Variants in SYNJ1 observed in about 807,000 individuals in gnomAD.
SYNJ1 encodes synaptojanin 1.
A neutral mutation model predicts 168.2 loss-of-function variants in SYNJ1; 78 were observed. That is an observed-to-expected ratio of 0.46 (90% confidence interval 0.39 to 0.56). SYNJ1 has a LOEUF of 0.56. SYNJ1 is among the 20% of genes least tolerant of loss of function. The pLI is 0.00. For synonymous variants in SYNJ1, 539 were observed against 548.6 expected (o/e 0.98, Z 0.24); for missense variants, 1,303 against 1,597.6 (o/e 0.82, Z 3.14).
At position 32,673,470 on chromosome 21, in the gene SYNJ1, T is replaced by C. The variant is rs111686118; in HGVS notation, c.1596A>G (p.Lys532=). 1 of 1,613,204 alleles carries C rather than the reference T, an allele frequency of 6.2e-7. No individual in the cohort carries two copies. The highest frequency in any genetic ancestry group is 1.1e-5 in the South Asian group (1 of 90,926). The change falls in exon 14 of 33, where the codon AAA becomes AAG. Residue 532 remains lysine (K), a synonymous_variant. Coordinates refer to ENST00000674351, the MANE Select transcript of SYNJ1 (RefSeq NM_203446.3). ...TCCAGGTTCCGACACATACTCGAAT[T>C]TTCTTAGGCTTTGAATATTTGTAGA... ...ENFYKYSKPK[K]IRVCVGTWNV... is the part of the protein sequence containing the mutation.
chr21:32,665,534 A>G (rs1051336763), intron 17 of SYNJ1, among the ~76,000 whole-genome samples: 1 of 152,234 alleles, frequency 6.6e-6, no homozygotes, highest in Non-Finnish European at 1.5e-5. Flanking sequence ...ACTTAAAAGA[A>G]TGCAACCTTT....
At chr21:32,708,589 G>C (rs759380161) in intron 2 of SYNJ1, among the ~76,000 whole-genome samples, 14 of 152,200 alleles carry the variant, frequency 9.2e-5, no homozygotes, top group Non-Finnish European at 1.8e-4. Flanking sequence ...CACCGCATTA[G>C]TTCACATGCT....
At chr21:32,663,293 A>AC (rs1396145092) in intron 18 of SYNJ1, among the ~76,000 whole-genome samples, 5 of 152,198 alleles carry the variant, frequency 3.3e-5, no homozygotes, top group African/African-American at 1.2e-4. Flanking sequence ...GAATTCACTC[A>AC]CCCCGTAGGA....
chr21:32,704,470 G>A (rs755491397), intron 2 of SYNJ1, among the ~76,000 whole-genome samples: 3 of 152,310 alleles, frequency 2.0e-5, no homozygotes, highest in Middle Eastern at 3.4e-3. Context: ...AGACTGGAGG[G>A]AGGCCCAGTA....
In SYNJ1 at chr21:32,695,286, A is replaced by G. The variant is rs1320233338; in HGVS notation, c.480-4T>C. The G allele has an allele frequency of 6.2e-7, 1 of 1,612,162 alleles. No individual in the cohort carries two copies. The highest frequency in any genetic ancestry group is 2.2e-5 in the East Asian group (1 of 44,834). On this transcript the variant is annotated splice_region_variant and splice_polypyrimidine_tract_variant and intron_variant, in intron 4 of 32. Transcript: ENST00000674351. ...ATGCAAATGCAAAGACTGATTCCTA[A>G]TAGGAAAAGAAATAAATGATTAGCT...
At chr21:32,717,468 C>T (rs745349763) in intron 2 of SYNJ1, among the ~76,000 whole-genome samples, 9 of 152,100 alleles carry the variant, frequency 5.9e-5, no homozygotes, top group Non-Finnish European at 7.4e-5. Context: ...TTTGGAAGTT[C>T]GGTTACTTGG....
Position 32,629,939 on chromosome 21 carries a change from T to C in SYNJ1, c.*1866A>G, listed in dbSNP as rs1271035585. 1 of 152,446 alleles carries C rather than the reference T, an allele frequency of 6.6e-6. No homozygotes were observed. Among genetic ancestry groups the C allele is most frequent in the Non-Finnish European group, 1.5e-5 (1 of 68,046 alleles). The allele number at this position is 152,446 out of a possible 1,614,324, so 9.4% of individuals were successfully genotyped here. On this transcript the variant is annotated 3_prime_UTR_variant, in exon 33 of 33. Transcript: ENST00000674351. The stretch of plus-strand genomic sequence containing the variant: ...GAGGGGGGAGAACACACACTGGGTA[T>C]ATTCCCAATTCAAAGCACTCAGGGG...
intron 11 of SYNJ1, 105 bp from the exon 12 acceptor site, chr21:32,678,906 A>G: frequency 6.9e-7 from 1 of 1,453,570 alleles, no homozygotes; most frequent in South Asian, 1.3e-5. Context: ...TGATTTTAGT[A>G]TAAAAAAGGA....
Position 32,629,474 on chromosome 21 carries a change from CTTT to C in SYNJ1, c.*2328_*2330del, listed in dbSNP as rs1224832497. 6.6e-6 allele frequency: 1 copy of C among 152,526 alleles called. No individual in the cohort carries two copies. Among genetic ancestry groups the C allele is most frequent in the East Asian group, 1.9e-4 (1 of 5,200 alleles). 9.4% of individuals were successfully genotyped at this position (152,526 alleles called of 1,614,324 possible). On this transcript the variant is annotated 3_prime_UTR_variant, in exon 33 of 33. Transcript: ENST00000674351. ...TAACATTTGAGCATTTAGAAAAATG[CTTT>C]TTTTCTAATAGATTTGCTTTATAAG... is the stretch of plus-strand genomic sequence containing the variant.
In SYNJ1 at chr21:32,632,700, T is replaced by C. The variant is rs113007530; in HGVS notation, c.*4-899A>G. Among the ~76,000 whole-genome samples the C allele has an allele frequency of 1.3e-3, 200 of 152,292 alleles. 2 individuals carry two copies. Among genetic ancestry groups the C allele is most frequent in the African/African-American group, 4.6e-3 (193 of 41,560 alleles). The stretch of plus-strand genomic sequence containing the variant: ...CATGCCCGGCACAGCTGACTTTTAA[T>C]GTAAGCTCTCCTTTGTTGAATAAAC... On this transcript the variant is annotated intron_variant, in intron 32 of 32. Coordinates refer to ENST00000674351, the MANE Select transcript of SYNJ1 (RefSeq NM_203446.3).
At chr21:32,690,693 C>A (rs2041991322) in intron 6 of SYNJ1, among the ~76,000 whole-genome samples, 1 of 151,362 alleles carries the variant, frequency 6.6e-6, no homozygotes, top group Admixed American at 6.6e-5. Context: ...GAGTTCGAGA[C>A]CAGCGGATCA....
At chr21:32,713,910 T>A (rs2042930185) in intron 2 of SYNJ1, among the ~76,000 whole-genome samples, 1 of 152,236 alleles carries the variant, frequency 6.6e-6, no homozygotes. Context: ...ATAGTGATTA[T>A]CTTTGCAGAT....
At chr21:32,684,238 C>T in intron 9 of SYNJ1, 119 bp from the exon 10 acceptor site, 2 of 866,820 alleles carry the variant, frequency 2.3e-6, no homozygotes, top group Non-Finnish European at 3.6e-6. Context: ...TTTATTATTA[C>T]AGTATTCAAA....
intron 31 of SYNJ1, among the ~76,000 whole-genome samples, chr21:32,635,896 T>G (rs919112800): frequency 6.6e-6 from 1 of 152,188 alleles, no homozygotes; most frequent in Admixed American, 6.5e-5. Flanking sequence ...CATTATTTTT[T>G]AAAATCTAGT....
intron 6 of SYNJ1, 136 bp downstream of exon 6, chr21:32,694,092 C>A: frequency 1.8e-6 from 1 of 563,200 alleles, no homozygotes; most frequent in Non-Finnish European, 2.9e-6. Flanking sequence ...CGTCTAGACC[C>A]TTATTTGCAA....
intron 18 of SYNJ1, 89 bp from the exon 19 acceptor site, chr21:32,657,961 A>ATGC: frequency 3.0e-6 from 3 of 986,328 alleles, no homozygotes; most frequent in Non-Finnish European, 4.6e-6. Flanking sequence ...TGTCTATTAC[A>ATGC]TGCTGGATGC....
At chr21:32,693,932 G>A (rs1483443264) in intron 6 of SYNJ1, among the ~76,000 whole-genome samples, 1 of 152,066 alleles carries the variant, frequency 6.6e-6, no homozygotes, top group Non-Finnish European at 1.5e-5. Context: ...ACTAAGATAA[G>A]AAGGTAATAA....
chr21:32,725,819 T>G (rs1184822676), intron 2 of SYNJ1, among the ~76,000 whole-genome samples: 1 of 152,280 alleles, frequency 6.6e-6, no homozygotes, highest in South Asian at 2.1e-4. Flanking sequence ...CATATATATG[T>G]GTATATATAA....
intron 12 of SYNJ1, among the ~76,000 whole-genome samples, chr21:32,676,795 T>A (rs988984007): frequency 6.6e-6 from 1 of 152,180 alleles, no homozygotes; most frequent in African/African-American, 2.4e-5. Context: ...TCACTTCAGC[T>A]ATAACAAGAA....
Sources: allele counts gnomAD v4.1 joint callset (sites outside exome capture counted in the v4.1 genomes callset), GRCh38; gene constraint gnomAD v4.1.1; transcripts MANE v1.5; gene names NCBI Gene and HGNC (gene_info 2026-07-23, HGNC 2026-07-21).